MACROD1: variants seen among roughly 807,000 people sequenced by gnomAD.
MACROD1 encodes the protein ADP-ribose glycohydrolase MACROD1.
In MACROD1, 31 loss-of-function variants were observed where a neutral mutation model predicts 41.4. The observed-to-expected ratio is 0.75, with a 90% CI of 0.56 to 1.01. The LOEUF (loss-of-function observed/expected upper bound fraction) is 1.01. MACROD1 is among the 50% of genes least tolerant of loss of function. MACROD1 has a pLI of 0.00. For synonymous variants in MACROD1, 252 were observed against 203.4 expected, an observed-to-expected ratio of 1.24 and a Z score of -2.03; for missense variants, 473 against 460.0, an observed-to-expected ratio of 1.03 and a Z score of -0.26.
intron 3 of MACROD1, among the ~76,000 whole-genome samples, chr11:64,105,782 G>A (rs947849151): frequency 1.1e-4 from 17 of 152,178 alleles, no homozygotes; most frequent in African/African-American, 4.1e-4. Context: ...ACAGTTGGGC[G>A]CCAAGGCCCC....
intron 3 of MACROD1, among the ~76,000 whole-genome samples, chr11:64,123,821 G>A (rs1945137032): frequency 6.6e-6 from 1 of 152,174 alleles, no homozygotes; most frequent in East Asian, 1.9e-4. Flanking sequence ...AGGGAAAACT[G>A]AAGGTCAGGG....
intron 3 of MACROD1, among the ~76,000 whole-genome samples, chr11:64,078,063 G>T (rs1300375893): frequency 6.6e-6 from 1 of 152,216 alleles, no homozygotes; most frequent in Non-Finnish European, 1.5e-5. Flanking sequence ...GCAGCTCTGG[G>T]AATGGCCTTC....
chr11:64,010,082 G>A (rs1225086803), intron 4 of MACROD1, among the ~76,000 whole-genome samples: 7 of 146,734 alleles, frequency 4.8e-5, no homozygotes, highest in African/African-American at 1.8e-4. Context: ...TGTTGCCCAG[G>A]GTGTTGGTTG....
chr11:64,011,810 A>C (rs1176959579), intron 4 of MACROD1, among the ~76,000 whole-genome samples: 1 of 151,906 alleles, frequency 6.6e-6, no homozygotes, highest in Non-Finnish European at 1.5e-5. Flanking sequence ...ATGTCCAGGG[A>C]CCCCACGGGA....
At chr11:64,062,262 G>A (rs1943919103) in intron 3 of MACROD1, among the ~76,000 whole-genome samples, 1 of 152,040 alleles carries the variant, frequency 6.6e-6, no homozygotes, top group Non-Finnish European at 1.5e-5. Flanking sequence ...CATAGTACTT[G>A]GCACACAGTA....
intron 4 of MACROD1, among the ~76,000 whole-genome samples, chr11:64,012,517 C>G (rs1316505338): frequency 6.6e-6 from 1 of 152,058 alleles, no homozygotes; most frequent in Admixed American, 6.5e-5. Context: ...TCTCCTGCCT[C>G]AGCCTTCTGA....
At chr11:64,107,689 A>G (rs1944787818) in intron 3 of MACROD1, among the ~76,000 whole-genome samples, 1 of 152,244 alleles carries the variant, frequency 6.6e-6, no homozygotes, top group African/African-American at 2.4e-5. Flanking sequence ...GGGATCCAGG[A>G]GCAAAGCTGT....
In MACROD1 at chr11:64,165,950, G is replaced by C. The variant is rs934644194; in HGVS notation, c.45C>G (p.Arg15=). 1.5e-6 allele frequency: 2 copies of C among 1,307,446 alleles called. No individual in the cohort carries two copies. The highest frequency in any genetic ancestry group is 1.9e-6 in the Non-Finnish European group (2 of 1,035,030). The allele number at this position is 1,307,446 out of a possible 1,614,324, so 81.0% of individuals were successfully genotyped here. A position where few individuals can be genotyped will look rare whatever the true frequency, so the allele number is the denominator to read the frequency against. The part of the protein sequence containing the change: ...SRLSGRLAQL[R]AAGQLLVPPR... ...GGGGGACGAGCAGCTGCCCCGCCGC[G>C]CGCAGCTGTGCCAGGCGGCCGGACA... The change falls in exon 1 of 11, where the codon CGC becomes CGG. Residue 15 remains arginine (R), a synonymous_variant. Transcript: ENST00000255681.
chr11:64,110,939 C>T (rs1317125283), intron 3 of MACROD1, among the ~76,000 whole-genome samples: 1 of 152,220 alleles, frequency 6.6e-6, no homozygotes, highest in Non-Finnish European at 1.5e-5. Context: ...GAGGGCTCAG[C>T]CTCGGGCTGG....
At chr11:64,158,136 G>T (rs577385523) in intron 1 of MACROD1, among the ~76,000 whole-genome samples, 1 of 152,176 alleles carries the variant, frequency 6.6e-6, no homozygotes, top group Non-Finnish European at 1.5e-5. Flanking sequence ...GAAATCCCAC[G>T]GGGGCTGAAA....
intron 3 of MACROD1, among the ~76,000 whole-genome samples, chr11:64,102,413 G>A (rs1944686843): frequency 1.3e-5 from 2 of 152,168 alleles, no homozygotes; most frequent in Non-Finnish European, 1.5e-5. Flanking sequence ...CCAGAAACAC[G>A]GAGACCCAAC....
At chr11:64,165,648 TCCA>T (rs1214669502) in intron 1 of MACROD1, 46 bp downstream of exon 1, 2 of 1,334,716 alleles carry the variant, frequency 1.5e-6, no homozygotes, top group Non-Finnish European at 1.9e-6. Context: ...GCCGGGAAGC[TCCA>T]CGTGAGGCCG....
At chr11:64,099,563 T>G in intron 3 of MACROD1, among the ~76,000 whole-genome samples, 1 of 149,746 alleles carries the variant, frequency 6.7e-6, no homozygotes, top group South Asian at 2.1e-4. Flanking sequence ...GATGGATGGA[T>G]AGAGGTGAAT....
chr11:64,118,086 A>G, intron 3 of MACROD1: 2 of 1,612,234 alleles, frequency 1.2e-6, no homozygotes, highest in Non-Finnish European at 1.7e-6. Flanking sequence ...AGGGACCAAG[A>G]AGGATAACTC....
At chr11:64,133,586 T>C (rs1945294903) in intron 3 of MACROD1, among the ~76,000 whole-genome samples, 1 of 152,126 alleles carries the variant, frequency 6.6e-6, no homozygotes. Context: ...GAGAAAGACA[T>C]CTGGACCCAG....
intron 1 of MACROD1, among the ~76,000 whole-genome samples, chr11:64,161,175 A>G (rs1448450468): frequency 2.0e-5 from 3 of 152,160 alleles, no homozygotes; most frequent in Non-Finnish European, 4.4e-5. Context: ...CATCTCAAAA[A>G]ACAAAACCAA....
At chr11:64,078,378 A>G (rs1944242186) in intron 3 of MACROD1, among the ~76,000 whole-genome samples, 1 of 152,186 alleles carries the variant, frequency 6.6e-6, no homozygotes, top group South Asian at 2.1e-4. Flanking sequence ...AGCTGCTCTC[A>G]GGGGGCTGAA....
chr11:64,119,918 T>C (rs1174160595), intron 3 of MACROD1, among the ~76,000 whole-genome samples: 2 of 151,186 alleles, frequency 1.3e-5, no homozygotes, highest in Non-Finnish European at 3.0e-5. Context: ...TGCGTCCCAG[T>C]ACTCAGGGAG....
At position 64,151,314 on chromosome 11, in the gene MACROD1, T is replaced by A. The variant is rs1185274878; in HGVS notation, c.442A>T (p.Lys148Ter). 8.1e-6 allele frequency: 13 copies of A among 1,613,826 alleles called. No individual in the cohort carries two copies. The highest frequency in any genetic ancestry group is 1.3e-5 in the African/African-American group (1 of 74,936). ...AGGGAGATTTTCTCATTGAGCTGCT[T>A]GTCCTTTTTATACCTGGGCTCCTCC... ...KVEEPRYKKD[K>*]QLNEKISLLR... Residue 148 changes from lysine (K) to a stop codon, truncating the protein, a stop_gained, in exon 3 of 11, where the codon AAG becomes TAG. Coordinates refer to ENST00000255681, the MANE Select transcript of MACROD1 (RefSeq NM_014067.4). LOFTEE classifies it high-confidence loss of function.
Sources: allele counts gnomAD v4.1 joint callset (sites outside exome capture counted in the v4.1 genomes callset), GRCh38; gene constraint gnomAD v4.1.1; transcripts MANE v1.5; gene names NCBI Gene and HGNC (gene_info 2026-07-23, HGNC 2026-07-21).